Variants in NPAS2 observed in about 807,000 individuals in gnomAD.
NPAS2 encodes the protein neuronal PAS domain-containing protein 2.
A neutral mutation model predicts 107.5 loss-of-function variants in NPAS2; 23 were observed. The observed-to-expected ratio is 0.21, with a 90% CI of 0.15 to 0.30. The LOEUF is 0.30. Among genes scored for constraint, NPAS2 ranks in the 10% least tolerant of loss-of-function variants. The pLI is 1.00. For missense variants in NPAS2, 756 were observed against 1,043.3 expected (o/e 0.72, Z 3.79); for synonymous variants, 403 against 417.5 (o/e 0.97, Z 0.42).
intron 1 of NPAS2, among the ~76,000 whole-genome samples, chr2:100,877,002 C>T (rs1573523965): frequency 6.6e-6 from 1 of 152,206 alleles, no homozygotes; most frequent in African/African-American, 2.4e-5. Flanking sequence ...TCACAGGGCA[C>T]CTGACTCTGG....
At chr2:100,918,831 G>A (rs1038037183) in intron 2 of NPAS2, among the ~76,000 whole-genome samples, 5 of 152,130 alleles carry the variant, frequency 3.3e-5, no homozygotes, top group Admixed American at 6.5e-5. Context: ...TCTGGAAAAC[G>A]GTTTGGTAGT....
intron 2 of NPAS2, among the ~76,000 whole-genome samples, chr2:100,911,902 G>A (rs1044980510): frequency 1.3e-5 from 2 of 152,214 alleles, no homozygotes; most frequent in African/African-American, 4.8e-5. Context: ...AAAGTGCTGG[G>A]ATTACAGGTG....
intron 1 of NPAS2, among the ~76,000 whole-genome samples, chr2:100,835,014 C>G (rs773701652): frequency 7.9e-5 from 12 of 152,132 alleles, no homozygotes; most frequent in African/African-American, 1.2e-4. Context: ...TGCGCCTGGC[C>G]CCTTTATCAT....
At chr2:100,871,996 A>C (rs780072217) in intron 1 of NPAS2, among the ~76,000 whole-genome samples, 7 of 152,208 alleles carry the variant, frequency 4.6e-5, no homozygotes, top group Non-Finnish European at 8.8e-5. Flanking sequence ...CATTTCAAGC[A>C]GCAGATAGTC....
chr2:100,843,442 G>T (rs1051670112), intron 1 of NPAS2, among the ~76,000 whole-genome samples: 9 of 152,134 alleles, frequency 5.9e-5, no homozygotes, highest in Non-Finnish European at 1.3e-4. Context: ...CAGGTAAGAA[G>T]CACATTTTTA....
intron 1 of NPAS2, among the ~76,000 whole-genome samples, chr2:100,872,478 T>C (rs983956420): frequency 6.6e-6 from 1 of 152,202 alleles, no homozygotes. Flanking sequence ...ATGGAAATCA[T>C]AATAACAAAC....
chr2:100,933,574 A>G (rs1447510989), intron 4 of NPAS2, among the ~76,000 whole-genome samples: 1 of 152,172 alleles, frequency 6.6e-6, no homozygotes, highest in Admixed American at 6.5e-5. Context: ...CCTCTGGGTC[A>G]GAGGCCCCAT....
intron 3 of NPAS2, among the ~76,000 whole-genome samples, chr2:100,926,553 C>T (rs988432212): frequency 4.6e-5 from 7 of 152,118 alleles, no homozygotes; most frequent in East Asian, 3.8e-4. Flanking sequence ...TTTTCCTTTT[C>T]GTGATCTTTT....
intron 1 of NPAS2, among the ~76,000 whole-genome samples, chr2:100,834,514 A>C (rs964292714): frequency 6.6e-6 from 1 of 152,178 alleles, no homozygotes; most frequent in Non-Finnish European, 1.5e-5. Flanking sequence ...GACTGAACGC[A>C]CAGAGCTCAT....
At chr2:100,878,638 C>A (rs909425224) in intron 1 of NPAS2, 16 of 985,158 alleles carry the variant, frequency 1.6e-5, no homozygotes, top group Non-Finnish European at 1.8e-5. Context: ...ATCAAGGTAA[C>A]TTTGCGGTTT....
intron 2 of NPAS2, among the ~76,000 whole-genome samples, chr2:100,913,813 G>A (rs1682704383): frequency 6.6e-6 from 1 of 152,128 alleles, no homozygotes; most frequent in Non-Finnish European, 1.5e-5. Flanking sequence ...GAAGACAGAG[G>A]GCCAAGGACA....
chr2:100,980,232 C>T (rs1677350645), intron 15 of NPAS2, among the ~76,000 whole-genome samples: 1 of 152,198 alleles, frequency 6.6e-6, no homozygotes, highest in East Asian at 1.9e-4. Context: ...TCCAAGCCAA[C>T]TGGGCACCGA....
chr2:100,903,816 G>A (rs906761380), intron 1 of NPAS2, among the ~76,000 whole-genome samples: 5 of 152,008 alleles, frequency 3.3e-5, no homozygotes, highest in Admixed American at 1.3e-4. Flanking sequence ...CTTGGGGGGC[G>A]CACCCCAGAC....
At chr2:100,909,221 G>A (rs1009747780) in intron 2 of NPAS2, among the ~76,000 whole-genome samples, 1 of 152,198 alleles carries the variant, frequency 6.6e-6, no homozygotes, top group Non-Finnish European at 1.5e-5. Context: ...AGGATACATA[G>A]CATTATCCTG....
intron 1 of NPAS2, among the ~76,000 whole-genome samples, chr2:100,869,209 T>C (rs1679424531): frequency 6.6e-6 from 1 of 152,206 alleles, no homozygotes; most frequent in South Asian, 2.1e-4. Flanking sequence ...GTTTTGGGAT[T>C]ACAGGCGTGA....
intron 1 of NPAS2, among the ~76,000 whole-genome samples, chr2:100,840,715 G>A (rs928871386): frequency 3.3e-5 from 5 of 152,128 alleles, no homozygotes; most frequent in Admixed American, 2.6e-4. Flanking sequence ...AGATGCCTGT[G>A]AAGTCATCAG....
chr2:100,926,505 A>G (rs926417825), intron 3 of NPAS2, among the ~76,000 whole-genome samples: 1 of 152,208 alleles, frequency 6.6e-6, no homozygotes. Flanking sequence ...GTGATATCTT[A>G]TGTGACTTTG....
At chr2:100,943,115 CTAAG>C (rs140072038) in intron 5 of NPAS2, among the ~76,000 whole-genome samples, 2,514 of 152,262 alleles carry the variant, frequency 0.017, 88 homozygotes, top group African/African-American at 0.057. Context: ...TCCACCTTTA[CTAAG>C]TAACACCAGA....
At chr2:100,832,851 T>A (rs1362003375) in intron 1 of NPAS2, among the ~76,000 whole-genome samples, 1 of 152,210 alleles carries the variant, frequency 6.6e-6, no homozygotes, top group Non-Finnish European at 1.5e-5. Context: ...CTATCTAACC[T>A]CTCTGTACAA....
Sources: gnomAD v4.1 joint callset for allele counts (sites outside exome capture counted in the v4.1 genomes callset) on GRCh38, gnomAD v4.1.1 for gene constraint, MANE v1.5 for transcripts, NCBI Gene and HGNC (gene_info 2026-07-23, HGNC 2026-07-21) for gene names.